The following ANK2 variants were observed in gnomAD, a reference collection of about 807,000 sequenced individuals.
The protein encoded by ANK2 is ankyrin 2.
In ANK2, 83 loss-of-function variants were observed where a neutral mutation model predicts 360.5. The ratio of observed to expected loss-of-function variants is 0.23; its 90% CI spans 0.19 to 0.28. ANK2 has a LOEUF of 0.28. ANK2 is among the 10% of genes least tolerant of loss of function. ANK2 has a pLI of 1.00. For missense variants in ANK2, 4,201 were observed against 4,795.7 expected (o/e 0.88, Z 3.66); for synonymous variants, 1,740 against 1,759.5 (o/e 0.99, Z 0.28).
chr4:113,234,715 C>T (rs2099357658), intron 5 of ANK2, among the ~76,000 whole-genome samples: 1 of 152,078 alleles, frequency 6.6e-6, no homozygotes, highest in African/African-American at 2.4e-5. Context: ...CTAATCAAGA[C>T]ATTATGATCA....
At chr4:112,819,552 GT>G (rs1425058316) in intron 1 of ANK2, among the ~76,000 whole-genome samples, 8 of 152,048 alleles carry the variant, frequency 5.3e-5, no homozygotes, top group African/African-American at 1.7e-4. Flanking sequence ...GCAGTATATG[GT>G]TTAAGTCACA....
intron 31 of ANK2, among the ~76,000 whole-genome samples, chr4:113,336,997 G>A (rs542722979): frequency 1.3e-5 from 2 of 152,158 alleles, no homozygotes; most frequent in African/African-American, 2.4e-5. Flanking sequence ...GTTTATATGC[G>A]TTGTCATTCT....
chr4:113,281,462 C>T (rs2153709985), intron 17 of ANK2, among the ~76,000 whole-genome samples: 1 of 152,102 alleles, frequency 6.6e-6, no homozygotes, highest in South Asian at 2.1e-4. Context: ...ATCACTTGAG[C>T]CCAGGAGGTG....
intron 2 of ANK2, among the ~76,000 whole-genome samples, chr4:113,015,743 G>A (rs563459008): frequency 9.9e-5 from 15 of 152,026 alleles, no homozygotes; most frequent in African/African-American, 3.6e-4. Flanking sequence ...TCTCAATTGT[G>A]GTATATTTTG....
At chr4:113,098,632 C>A (rs997811236) in intron 1 of ANK2, among the ~76,000 whole-genome samples, 2 of 151,958 alleles carry the variant, frequency 1.3e-5, no homozygotes, top group African/African-American at 4.8e-5. Context: ...GATAACAATT[C>A]TCTACAATGT....
chr4:113,092,620 C>T (rs2088980650), intron 1 of ANK2, among the ~76,000 whole-genome samples: 1 of 152,138 alleles, frequency 6.6e-6, no homozygotes, highest in Non-Finnish European at 1.5e-5. Flanking sequence ...TAGTTTCCTC[C>T]ATTTCTTGCT....
chr4:112,926,439 GAGGGCAAAGAA>G (rs2092565448), intron 2 of ANK2, among the ~76,000 whole-genome samples: 2 of 152,180 alleles, frequency 1.3e-5, no homozygotes, highest in South Asian at 4.1e-4. Context: ...CCAGGAATAT[GAGGGCAAAGAA>G]CAGGTCAGTG....
intron 1 of ANK2, among the ~76,000 whole-genome samples, chr4:113,085,928 T>C (rs1409090466): frequency 6.6e-6 from 1 of 152,128 alleles, no homozygotes; most frequent in Non-Finnish European, 1.5e-5. Context: ...TGCATGTATC[T>C]AGGAGGGAAA....
At chr4:113,014,848 C>CTTTTTTTTTTTT (rs530387481) in intron 2 of ANK2, among the ~76,000 whole-genome samples, 1 of 70,288 alleles carries the variant, frequency 1.4e-5, no homozygotes, top group African/African-American at 5.8e-5. Context: ...GATCATAGAG[C>CTTTTTTTTTTTT]TTTTTTTTTT....
chr4:113,017,937 G>C lies in ANK2; in HGVS notation c.21+113423G>C, dbSNP rs551463525. 7.9e-5 allele frequency among the ~76,000 whole-genome samples: 12 copies of C among 152,276 alleles called. 1 individual carries two copies. The South Asian group carries it at 2.5e-3, about 32-fold the overall frequency. On this transcript the variant is annotated intron_variant, in intron 2 of 30. Coordinates refer to the ANK2 transcript ENST00000503271. ...ATTCATTTTCTGAATAATTGGATGT[G>C]GTGGGTATAAGAGCAGAAGACTGCT...
At chr4:112,728,292 C>CAAAAAAAAAA in the ANK2 span, among the ~76,000 whole-genome samples, 13 of 40,126 alleles carry the variant, frequency 3.2e-4, 1 homozygote, top group Admixed American at 1.1e-3. Flanking sequence ...GACTCTGTCT[C>CAAAAAAAAAA]AAAAAAAAAA....
Position 112,820,757 on chromosome 4 carries a change from C to T in ANK2, c.-40+2493C>T, listed in dbSNP as rs565261985. Among the ~76,000 whole-genome samples, 30 of 151,488 alleles carry T rather than the reference C, an allele frequency of 2.0e-4. No individual in the cohort carries two copies. The South Asian group carries it at 5.6e-3, about 29-fold the overall frequency. ...GCTTTGCCTTTGTTTTTCTGTTTTTCGAGATAGGGTCTCTCTCTGTTGCCC... is the reference window on the plus strand; with the variant it reads ...GCTTTGCCTTTGTTTTTCTGTTTTTTGAGATAGGGTCTCTCTCTGTTGCCC... On this transcript the variant is annotated intron_variant, in intron 1 of 30. Transcript: ENST00000503271.
At chr4:112,791,708 G>A in the ANK2 span, among the ~76,000 whole-genome samples, 1 of 151,828 alleles carries the variant, frequency 6.6e-6, no homozygotes, top group South Asian at 2.1e-4. Context: ...AGCCAGGGTG[G>A]TCTCCATCTC....
chr4:113,279,096 C>A (rs868274236), intron 17 of ANK2, among the ~76,000 whole-genome samples: 4 of 152,072 alleles, frequency 2.6e-5, no homozygotes, highest in African/African-American at 4.8e-5. Flanking sequence ...ACAGCTCCAA[C>A]TAAGACTTGT....
At chr4:113,060,968 CA>C (rs149165485) in intron 1 of ANK2, among the ~76,000 whole-genome samples, 4 of 152,126 alleles carry the variant, frequency 2.6e-5, no homozygotes, top group Non-Finnish European at 5.9e-5. Context: ...TGTCCTAATT[CA>C]AAAGGTCACT....
chr4:112,851,035 A>G (rs1460593292), intron 1 of ANK2, among the ~76,000 whole-genome samples: 2 of 152,206 alleles, frequency 1.3e-5, no homozygotes, highest in Non-Finnish European at 2.9e-5. Flanking sequence ...ACCAATAAAT[A>G]GCACTCGTCC....
chr4:112,798,271 G>T, the ANK2 span: 1 of 152,164 alleles, frequency 6.6e-6, no homozygotes, highest in East Asian at 1.9e-4. Context: ...GTGAATGACA[G>T]AAATAGTTTT....
rs767080889 is a variant in ANK2 at position 113,330,319 on chromosome 4, A to G, written c.2974A>G (p.Ile992Val). Residue 992 changes from isoleucine to valine, a missense_variant, in exon 27 of 46, where the codon ATT (isoleucine) becomes GTT (valine). Ile to Val is a conservative substitution (Grantham distance 29). Coordinates refer to ENST00000357077, the MANE Select transcript of ANK2 (RefSeq NM_001148.6). ...ATGCAGACACAATGGGCTCCGAATC[A>G]TTATTCCACCTCGGAAATGTACTGC... Reference protein sequence around the residue: ...RGCRHNGLRIIIPPRKCTAPT... With the variant: ...RGCRHNGLRIVIPPRKCTAPT... The G allele has an allele frequency of 2.5e-6, 4 of 1,614,124 alleles. No individual in the cohort carries two copies. Among genetic ancestry groups the G allele is most frequent in the Admixed American group, 1.7e-5 (1 of 60,010 alleles).
At chr4:113,006,603 G>A (rs2052960292) in intron 2 of ANK2, among the ~76,000 whole-genome samples, 1 of 152,052 alleles carries the variant, frequency 6.6e-6, no homozygotes, top group Non-Finnish European at 1.5e-5. Flanking sequence ...TTTCTACAGG[G>A]CAATTTGGCA....
Sources: allele counts gnomAD v4.1 joint callset (sites outside exome capture counted in the v4.1 genomes callset), GRCh38; gene constraint gnomAD v4.1.1; transcripts MANE v1.5; gene names NCBI Gene and HGNC (gene_info 2026-07-23, HGNC 2026-07-21).